ARHGAP31: variants seen among roughly 807,000 people sequenced by gnomAD.
The protein encoded by ARHGAP31 is Rho GTPase activating protein 31, also known as rho GTPase-activating protein 31.
ARHGAP31 carries 34 observed loss-of-function variants against 113.9 expected under a neutral mutation model. That is an observed-to-expected ratio of 0.30 (90% CI 0.23 to 0.40). ARHGAP31 has a LOEUF of 0.40. ARHGAP31 is among the 10% of genes least tolerant of loss of function. The probability of loss-of-function intolerance (pLI) is 1.00; values close to 1 mark genes in which losing one functional copy is unlikely to be tolerated. For synonymous variants in ARHGAP31, 650 were observed against 684.8 expected (o/e 0.95, Z 0.79); for missense variants, 1,548 against 1,767.1 (o/e 0.88, Z 2.22).
rs750989638 is a variant in ARHGAP31, at chr3:119,414,077, G to A, written c.2148G>A (p.Glu716=). 2 of 1,614,176 alleles carry A rather than the reference G, an allele frequency of 1.2e-6. No homozygotes were observed. Among genetic ancestry groups the A allele is most frequent in the Admixed American group, 1.7e-5 (1 of 60,028 alleles). ...CTGCTCCAGTCTCCACCCCTCTGGAGGTGTGGACTAGGGATCCAGCCAATC... is the reference window on the plus strand; with the variant it reads ...CTGCTCCAGTCTCCACCCCTCTGGAAGTGTGGACTAGGGATCCAGCCAATC... ...SFPAPVSTPL[E]VWTRDPANQS... is the part of the protein sequence containing the mutation. Residue 716 remains glutamate (E), a synonymous_variant, in exon 12 of 12, where the codon GAG becomes GAA. Transcript: ENST00000264245.
intron 10 of ARHGAP31, among the ~76,000 whole-genome samples, chr3:119,404,355 C>T (rs1204841607): frequency 1.3e-5 from 2 of 152,158 alleles, no homozygotes; most frequent in Non-Finnish European, 2.9e-5. Flanking sequence ...AGACTCCAGC[C>T]TGCCTTCCTA....
chr3:119,390,411 C>G (rs934783462), intron 6 of ARHGAP31, among the ~76,000 whole-genome samples: 3 of 152,198 alleles, frequency 2.0e-5, no homozygotes, highest in African/African-American at 7.2e-5. Flanking sequence ...CAGACATATT[C>G]CCATCTGGCC....
intron 8 of ARHGAP31, among the ~76,000 whole-genome samples, chr3:119,397,114 T>C (rs757298295): frequency 3.9e-5 from 6 of 151,966 alleles, no homozygotes; most frequent in African/African-American, 7.3e-5. Context: ...CAGGCCAAGG[T>C]CCCAGACAGA....
chr3:119,356,324 T>TAAC (rs545359837), intron 1 of ARHGAP31, among the ~76,000 whole-genome samples: 228 of 151,988 alleles, frequency 1.5e-3, no homozygotes, highest in Middle Eastern at 3.4e-3. Context: ...CATTCTCTCT[T>TAAC]AACAACAACA....
chr3:119,360,055 C>T (rs528514944), intron 1 of ARHGAP31, among the ~76,000 whole-genome samples: 10 of 152,232 alleles, frequency 6.6e-5, no homozygotes, highest in African/African-American at 1.4e-4. Flanking sequence ...ATGTTTCCTC[C>T]GGCTCCTTTG....
chr3:119,398,730 C>T (rs2080573764), intron 8 of ARHGAP31, among the ~76,000 whole-genome samples: 1 of 152,178 alleles, frequency 6.6e-6, no homozygotes, highest in African/African-American at 2.4e-5. Flanking sequence ...GAGCTGCATC[C>T]AGCAGAAACC....
intron 11 of ARHGAP31, among the ~76,000 whole-genome samples, chr3:119,411,437 A>G (rs1191601321): frequency 2.0e-5 from 3 of 152,126 alleles, no homozygotes; most frequent in Non-Finnish European, 4.4e-5. Flanking sequence ...AGGATTAGAT[A>G]AGGGCTGAGA....
Position 119,381,121 on chromosome 3 carries a change from G to C in ARHGAP31, c.431+135G>C, listed in dbSNP as rs1000800766. 7 of 826,318 alleles carry C rather than the reference G, an allele frequency of 8.5e-6. No homozygotes were observed. In the African/African-American group the frequency reaches 1.2e-4, roughly 14 times the overall value. The allele number at this position is 826,318 out of a possible 1,614,324, so 51.2% of individuals were successfully genotyped here. On this transcript the variant is annotated intron_variant, in intron 4 of 11. Coordinates refer to ENST00000264245, the MANE Select transcript of ARHGAP31 (RefSeq NM_020754.4). ...GCTTTCCCAAGGGCATTTTGAAGTT[G>C]GTGAACAGGTCACTATTATCAAAGT...
intron 3 of ARHGAP31, among the ~76,000 whole-genome samples, chr3:119,379,493 C>T (rs767081631): frequency 1.3e-5 from 2 of 152,190 alleles, no homozygotes; most frequent in African/African-American, 2.4e-5. Flanking sequence ...AACATGCACA[C>T]GGCAGCTAAA....
At chr3:119,297,464 T>G (rs1377147653) in intron 1 of ARHGAP31, among the ~76,000 whole-genome samples, 1 of 152,196 alleles carries the variant, frequency 6.6e-6, no homozygotes, top group African/African-American at 2.4e-5. Flanking sequence ...ACTGACATCA[T>G]GGTTACTGAA....
chr3:119,379,543 C>T (rs116389111), intron 3 of ARHGAP31, among the ~76,000 whole-genome samples: 500 of 152,272 alleles, frequency 3.3e-3, no homozygotes, highest in African/African-American at 0.011. Flanking sequence ...ACCATCACCA[C>T]GGTTAGGATC....
intron 3 of ARHGAP31, among the ~76,000 whole-genome samples, chr3:119,370,095 G>A (rs935979075): frequency 1.4e-4 from 21 of 152,116 alleles, no homozygotes; most frequent in African/African-American, 4.8e-4. Flanking sequence ...TAGATCTAAG[G>A]CAGAAGGTAA....
At chr3:119,301,536 C>G (rs1005764115) in intron 1 of ARHGAP31, among the ~76,000 whole-genome samples, 2 of 152,200 alleles carry the variant, frequency 1.3e-5, no homozygotes, top group Non-Finnish European at 2.9e-5. Context: ...TGTGGGCTAG[C>G]CTGGGAACCT....
intron 1 of ARHGAP31, among the ~76,000 whole-genome samples, chr3:119,323,042 C>G (rs991414439): frequency 6.6e-6 from 1 of 152,206 alleles, no homozygotes; most frequent in African/African-American, 2.4e-5. Flanking sequence ...GTCAAGGCCA[C>G]GTTCCCTCCG....
intron 3 of ARHGAP31, among the ~76,000 whole-genome samples, chr3:119,374,146 C>G (rs1283602866): frequency 6.6e-6 from 1 of 152,122 alleles, no homozygotes; most frequent in African/African-American, 2.4e-5. Context: ...AGTGTAATCT[C>G]TAATGTTGGA....
chr3:119,390,530 T>C (rs998975359), intron 6 of ARHGAP31, among the ~76,000 whole-genome samples: 11 of 152,128 alleles, frequency 7.2e-5, no homozygotes, highest in Non-Finnish European at 1.3e-4. Context: ...GATGAGTGAG[T>C]GGTCCCTCTC....
At position 119,401,863 on chromosome 3, in the gene ARHGAP31, G is replaced by A. The variant is rs758065077; in HGVS notation, c.1111G>A (p.Gly371Ser). ...KGNFNRTVTT[G>S]GFFIPATKMH... ...AAATTTCAATCGAACAGTTACCACC[G>A]GTGGATTTTTCATTCCAGCAACAAA... is the stretch of plus-strand genomic sequence containing the variant. Residue 371 changes from glycine (G) to serine (S), a missense_variant, in exon 10 of 12, where the codon GGT becomes AGT. By Grantham distance (56) the Gly-to-Ser change is moderately conservative. Transcript: ENST00000264245. The A allele has an allele frequency of 3.7e-5, 60 of 1,613,890 alleles. No homozygotes were observed. Among genetic ancestry groups the A allele is most frequent in the Non-Finnish European group, 4.9e-5 (58 of 1,180,022 alleles).
At chr3:119,373,771 GC>G (rs2080323655) in intron 3 of ARHGAP31, among the ~76,000 whole-genome samples, 1 of 152,166 alleles carries the variant, frequency 6.6e-6, no homozygotes, top group African/African-American at 2.4e-5. Context: ...GCTGAGACTG[GC>G]TTTTTTATAG....
chr3:119,331,700 T>C (rs1259838138), intron 1 of ARHGAP31, among the ~76,000 whole-genome samples: 1 of 152,236 alleles, frequency 6.6e-6, no homozygotes, highest in East Asian at 1.9e-4. Flanking sequence ...TTCAGCCATT[T>C]TGAGGGACTT....
Sources: allele counts gnomAD v4.1 joint callset (sites outside exome capture counted in the v4.1 genomes callset), GRCh38; gene constraint gnomAD v4.1.1; transcripts MANE v1.5; gene names NCBI Gene and HGNC (gene_info 2026-07-23, HGNC 2026-07-21).